FAM184A: variants seen among roughly 807,000 people sequenced by gnomAD.
The protein encoded by FAM184A is protein FAM184A.
In FAM184A, 99 loss-of-function variants were observed where a neutral mutation model predicts 143.8. The observed-to-expected ratio is 0.69, with a 90% CI of 0.58 to 0.81. The LOEUF (loss-of-function observed/expected upper bound fraction) is 0.81. FAM184A is among the 40% of genes least tolerant of loss of function. The pLI is 0.00. For synonymous variants in FAM184A, 427 were observed against 446.4 expected (o/e 0.96, Z 0.55); for missense variants, 1,217 against 1,310.5 (o/e 0.93, Z 1.10).
chr6:119,140,163 A>G (rs1260747875), intron 1 of FAM184A, among the ~76,000 whole-genome samples: 1 of 152,204 alleles, frequency 6.6e-6, no homozygotes, highest in African/African-American at 2.4e-5. Flanking sequence ...AATGTTCAAG[A>G]AGGCAAGGTC....
chr6:119,044,849 G>A (rs1223177190), intron 1 of FAM184A, among the ~76,000 whole-genome samples: 1 of 152,190 alleles, frequency 6.6e-6, no homozygotes, highest in Non-Finnish European at 1.5e-5. Context: ...TCTAGAGAGT[G>A]ACAGCTACTG....
chr6:118,986,527 G>A (rs1427936439), intron 9 of FAM184A, among the ~76,000 whole-genome samples: 2 of 152,158 alleles, frequency 1.3e-5, no homozygotes, highest in Non-Finnish European at 2.9e-5. Flanking sequence ...TTTTGCTGTG[G>A]ATGATGACAG....
chr6:119,122,924 G>GAAAAA lies in FAM184A; in HGVS notation c.-202+26149_-202+26153dup, dbSNP rs766414096. Among the ~76,000 whole-genome samples, 9 of 29,030 alleles carry GAAAAA rather than the reference G, an allele frequency of 3.1e-4. 1 individual carries two copies. The highest frequency in any genetic ancestry group is 3.9e-4 in the African/African-American group (3 of 7,734). The allele number at this position is 29,030 out of a possible 152,430, so 19.0% of individuals were successfully genotyped here. ...TGAGCAACGGAGGAAGACCCTGTCT[G>GAAAAA]AAAAAAAAAAAAAAAAAAAAAAAAA... is the stretch of plus-strand genomic sequence containing the variant. On this transcript the variant is annotated intron_variant, in intron 1 of 16. Coordinates refer to the FAM184A transcript ENST00000352896.
At chr6:118,963,638 A>G (rs1401310943) in intron 16 of FAM184A, 1 of 152,126 alleles carries the variant, frequency 6.6e-6, no homozygotes, top group Non-Finnish European at 1.5e-5. Flanking sequence ...GTAAAGTCCT[A>G]ATAAAAATTA....
intron 1 of FAM184A, among the ~76,000 whole-genome samples, chr6:119,029,903 G>C (rs1472579753): frequency 2.0e-5 from 3 of 152,034 alleles, no homozygotes; most frequent in African/African-American, 7.2e-5. Flanking sequence ...CAGCAAAGTT[G>C]AGTAGTTGTG....
At chr6:119,039,081 G>T (rs1786221856) in intron 1 of FAM184A, among the ~76,000 whole-genome samples, 1 of 152,152 alleles carries the variant, frequency 6.6e-6, no homozygotes, top group Non-Finnish European at 1.5e-5. Context: ...ATAATGATTT[G>T]CATATTAAAA....
In FAM184A at chr6:119,078,127, G is replaced by A; in HGVS notation, c.159+14C>T. On this transcript the variant is annotated intron_variant, in intron 1 of 17. Coordinates refer to ENST00000338891, the MANE Select transcript of FAM184A (RefSeq NM_024581.6). The surrounding 1 kb of genome is among the most constrained non-coding windows in gnomAD (Gnocchi z 5.5). Reference sequence around the variant, plus strand: ...GCACGGGGTCGCCACCTGCCCCGTCGCTGCCCCCCTTACCTTGGTGAGCTG... The same window carrying A: ...GCACGGGGTCGCCACCTGCCCCGTCACTGCCCCCCTTACCTTGGTGAGCTG... 1 of 1,576,282 alleles carries A rather than the reference G, an allele frequency of 6.3e-7. No individual in the cohort carries two copies.
chr6:119,140,222 T>C (rs1230220880), intron 1 of FAM184A, among the ~76,000 whole-genome samples: 3 of 152,136 alleles, frequency 2.0e-5, no homozygotes, highest in Non-Finnish European at 2.9e-5. Context: ...GCCTTGGGTG[T>C]GGTAGGGAGA....
intron 1 of FAM184A, among the ~76,000 whole-genome samples, chr6:119,130,603 G>A (rs182270755): frequency 0.016 from 2,455 of 152,226 alleles, 64 homozygotes; most frequent in African/African-American, 0.053. Flanking sequence ...AAAAAAATTA[G>A]CAATCTAGTT....
At chr6:119,133,385 C>T (rs1789584683) in intron 1 of FAM184A, among the ~76,000 whole-genome samples, 1 of 152,016 alleles carries the variant, frequency 6.6e-6, no homozygotes, top group African/African-American at 2.4e-5. Flanking sequence ...GATTAACATG[C>T]AGGAGGGTTA....
chr6:119,025,372 A>G, intron 1 of FAM184A: 1 of 496,572 alleles, frequency 2.0e-6, no homozygotes, highest in Non-Finnish European at 4.0e-6. Flanking sequence ...TTTGCTTCTA[A>G]AGCTGATCCT....
chr6:119,008,372 C>G (rs1784990797), intron 6 of FAM184A, among the ~76,000 whole-genome samples: 1 of 152,182 alleles, frequency 6.6e-6, no homozygotes, highest in Non-Finnish European at 1.5e-5. Context: ...ACAGTGATCT[C>G]AGGACTTTAA....
chr6:119,120,450 T>G (rs1789180811), intron 1 of FAM184A, among the ~76,000 whole-genome samples: 1 of 152,260 alleles, frequency 6.6e-6, no homozygotes, highest in African/African-American at 2.4e-5. Flanking sequence ...TTGGGGCTAT[T>G]ATGCTGCCAT....
intron 1 of FAM184A, among the ~76,000 whole-genome samples, chr6:119,054,271 T>A (rs1041477054): frequency 6.6e-6 from 1 of 152,198 alleles, no homozygotes; most frequent in Admixed American, 6.5e-5. Flanking sequence ...ATACAATAAT[T>A]CAGAATTGTT....
At chr6:119,026,735 C>T (rs1433716691) in intron 1 of FAM184A, among the ~76,000 whole-genome samples, 1 of 152,126 alleles carries the variant, frequency 6.6e-6, no homozygotes, top group Non-Finnish European at 1.5e-5. Flanking sequence ...TTCCAAACAA[C>T]ATCATGTGAT....
chr6:118,981,057 A>G (rs898376454), intron 9 of FAM184A, among the ~76,000 whole-genome samples: 2 of 152,130 alleles, frequency 1.3e-5, no homozygotes, highest in African/African-American at 4.8e-5. Context: ...CATTATAATA[A>G]TGTCAGGTGC....
intron 1 of FAM184A, among the ~76,000 whole-genome samples, chr6:119,115,549 T>G (rs1220580723): frequency 6.6e-6 from 1 of 152,066 alleles, no homozygotes; most frequent in Non-Finnish European, 1.5e-5. Context: ...AAAAATAATT[T>G]TAAAAGACTG....
intron 1 of FAM184A, among the ~76,000 whole-genome samples, chr6:119,123,114 G>C (rs1427247331): frequency 6.6e-6 from 1 of 151,990 alleles, no homozygotes; most frequent in Non-Finnish European, 1.5e-5. Flanking sequence ...GGCAGGCGGG[G>C]GGATGGTTCA....
In FAM184A at chr6:119,039,700, C is replaced by T. The variant is rs116914520; in HGVS notation, c.160-14887G>A. Among the ~76,000 whole-genome samples, 391 of 152,280 alleles carry T rather than the reference C, an allele frequency of 2.6e-3. 1 individual carries two copies. The highest frequency in any genetic ancestry group is 4.1e-3 in the Non-Finnish European group (280 of 68,008). ...CTGGACAGGGCTCTGCCCCACCCCC[C>T]ACTAGAAATGTCAGGTGATGGTTTG... On this transcript the variant is annotated intron_variant, in intron 1 of 17. Coordinates refer to ENST00000338891, the MANE Select transcript of FAM184A (RefSeq NM_024581.6).
Sources: gnomAD v4.1 joint callset for allele counts (sites outside exome capture counted in the v4.1 genomes callset) on GRCh38, gnomAD v4.1.1 for gene constraint, Gnocchi (gnomAD v3.1) non-coding constraint, MANE v1.5 for transcripts, NCBI Gene and HGNC (gene_info 2026-07-23, HGNC 2026-07-21) for gene names.